The following TUB variants were observed in gnomAD, a reference collection of about 807,000 sequenced individuals.
TUB encodes the protein TUB bipartite transcription factor, also known as tubby protein homolog.
Under a neutral mutation model 59.7 loss-of-function variants are expected in TUB, and 33 were observed. The observed-to-expected ratio is 0.55, with a 90% CI of 0.42 to 0.74. TUB has a LOEUF of 0.74. Ranked by LOEUF, TUB falls within the 30% of genes least tolerant of loss-of-function variation. The probability of loss-of-function intolerance (pLI) is 0.00; values close to 1 mark genes in which losing one functional copy is unlikely to be tolerated. For missense variants in TUB, 659 were observed against 672.0 expected, an observed-to-expected ratio of 0.98 and a Z score of 0.21; for synonymous variants, 293 against 256.4, an observed-to-expected ratio of 1.14 and a Z score of -1.36.
chr11:8,046,984 C>A (rs1241680682), intron 2 of TUB, among the ~76,000 whole-genome samples: 1 of 152,194 alleles, frequency 6.6e-6, no homozygotes, highest in Non-Finnish European at 1.5e-5. Flanking sequence ...GGGCCACACT[C>A]AAAGCCATCC....
intron 1 of TUB, among the ~76,000 whole-genome samples, chr11:8,022,744 G>A (rs1330130735): frequency 6.6e-6 from 1 of 152,078 alleles, no homozygotes; most frequent in Non-Finnish European, 1.5e-5. Flanking sequence ...ACAAAAATTA[G>A]CCAGGTGTGG....
chr11:8,101,396 C>A (rs2242504), intron 11 of TUB, 90 bp from the exon 12 acceptor site: 3 of 1,512,452 alleles, frequency 2.0e-6, no homozygotes, highest in East Asian at 4.5e-5. Flanking sequence ...TTGTTCTTCC[C>A]TCATGTGGTT....
chr11:8,024,576 CACTCT>C (rs1286846071), intron 1 of TUB, among the ~76,000 whole-genome samples: 2 of 152,276 alleles, frequency 1.3e-5, no homozygotes, highest in African/African-American at 2.4e-5. Context: ...ACTTCATTTC[CACTCT>C]ACTTCAATCA....
chr11:8,054,764 C>G (rs1387908134), intron 2 of TUB, among the ~76,000 whole-genome samples: 1 of 152,168 alleles, frequency 6.6e-6, no homozygotes, highest in African/African-American at 2.4e-5. Flanking sequence ...GTGTACTGTA[C>G]CTGTGTTCAT....
Position 8,101,930 on chromosome 11 carries a change from T to C in TUB, c.*311T>C, listed in dbSNP as rs1409854476. 8.4e-6 allele frequency: 3 copies of C among 358,336 alleles called. No individual in the cohort carries two copies. The highest frequency in any genetic ancestry group is 1.5e-5 in the Non-Finnish European group (3 of 195,218). 22.2% of individuals were successfully genotyped at this position (358,336 alleles called of 1,614,324 possible). A position where few individuals can be genotyped will look rare whatever the true frequency, so the allele number is the denominator to read the frequency against. The stretch of plus-strand genomic sequence containing the variant: ...GTCGTACTTACCAAGCTGAGCAACC[T>C]CTTCAGCTGGGAAGGCCGCAAGAGG... On this transcript the variant is annotated 3_prime_UTR_variant, in exon 12 of 12. Transcript: ENST00000299506.
chr11:8,040,762 T>C (rs1290114680), intron 2 of TUB, among the ~76,000 whole-genome samples: 2 of 152,212 alleles, frequency 1.3e-5, no homozygotes, highest in Non-Finnish European at 2.9e-5. Flanking sequence ...GACTCTGCTG[T>C]GATGACTGTT....
intron 2 of TUB, among the ~76,000 whole-genome samples, chr11:8,058,934 A>C (rs921540158): frequency 1.3e-5 from 2 of 152,208 alleles, no homozygotes; most frequent in African/African-American, 4.8e-5. Flanking sequence ...GTGTCAGTAA[A>C]ATTTATAATA....
chr11:8,063,577 G>C (rs1273310782), intron 2 of TUB, among the ~76,000 whole-genome samples: 1 of 152,116 alleles, frequency 6.6e-6, no homozygotes, highest in Admixed American at 6.5e-5. Flanking sequence ...GTGTTCACTC[G>C]ACCCAGTTTG....
chr11:8,060,700 G>C (rs1943107477), intron 2 of TUB, among the ~76,000 whole-genome samples: 1 of 152,148 alleles, frequency 6.6e-6, no homozygotes, highest in African/African-American at 2.4e-5. Context: ...AGAGCCACTT[G>C]CATTTATGTT....
At position 8,101,855 on chromosome 11, in the gene TUB, T is replaced by TGGCGA; in HGVS notation, c.*237_*238insGCGAG. ...GAAGGGATGAGAATAATTCTTTCCA[T>TGGCGA]GCCACGAGATCAACACACACTCCCA... On this transcript the variant is annotated 3_prime_UTR_variant, in exon 12 of 12. Coordinates refer to ENST00000299506, the MANE Select transcript of TUB (RefSeq NM_177972.3). 1 of 475,826 alleles carries TGGCGA rather than the reference T, an allele frequency of 2.1e-6. No individual in the cohort carries two copies. The highest frequency in any genetic ancestry group is 3.5e-6 in the Non-Finnish European group (1 of 288,162). 29.5% of individuals were successfully genotyped at this position (475,826 alleles called of 1,614,324 possible). A position where few individuals can be genotyped will look rare whatever the true frequency, so the allele number is the denominator to read the frequency against.
Position 8,104,584 on chromosome 11 carries a change from A to G in TUB, c.*2965A>G. On this transcript the variant is annotated 3_prime_UTR_variant, in exon 12 of 12. Transcript: ENST00000299506. Reference sequence around the variant, plus strand: ...CCTGTGGATTTTGTCCATTCATCTCATGCTCTCTGAACAGAAGGTATACCT... The same window carrying G: ...CCTGTGGATTTTGTCCATTCATCTCGTGCTCTCTGAACAGAAGGTATACCT... The G allele has an allele frequency of 6.6e-6, 1 of 152,176 alleles. No homozygotes were observed. Among genetic ancestry groups the G allele is most frequent in the Non-Finnish European group, 1.5e-5 (1 of 68,000 alleles). 9.4% of individuals were successfully genotyped at this position (152,176 alleles called of 1,614,324 possible).
chr11:8,099,975 A>G (rs1299609412), intron 9 of TUB, among the ~76,000 whole-genome samples: 1 of 152,208 alleles, frequency 6.6e-6, no homozygotes, highest in African/African-American at 2.4e-5. Flanking sequence ...AGTGAGCTGG[A>G]GAGCCACTGG....
intron 6 of TUB, 129 bp downstream of exon 6, chr11:8,096,935 C>T (rs1388966864): frequency 9.3e-7 from 1 of 1,080,778 alleles, no homozygotes; most frequent in Non-Finnish European, 1.4e-6. Flanking sequence ...TGTCCCTCTA[C>T]CTTGCCTCCT....
chr11:8,087,821 C>T lies in TUB; in HGVS notation c.39-1789C>T, dbSNP rs553701591. Among the ~76,000 whole-genome samples, 5 of 152,336 alleles carry T rather than the reference C, an allele frequency of 3.3e-5. No homozygotes were observed. In the East Asian group the frequency reaches 5.8e-4, roughly 18 times the overall value. On this transcript the variant is annotated intron_variant, in intron 1 of 11. Coordinates refer to ENST00000299506, the MANE Select transcript of TUB (RefSeq NM_177972.3). The stretch of plus-strand genomic sequence containing the variant: ...CCTGGCAGGGCCCTCAGGCATTTTG[C>T]GCTCTGGTCCTGAACCCTTTCTTCA...
chr11:8,020,868 T>C (rs1942415010), intron 1 of TUB, among the ~76,000 whole-genome samples: 1 of 152,166 alleles, frequency 6.6e-6, no homozygotes, highest in Non-Finnish European at 1.5e-5. Flanking sequence ...AAACATGTAT[T>C]GAGTGCGAAC....
chr11:8,093,853 G>A (rs559301598), intron 3 of TUB, among the ~76,000 whole-genome samples, 193 bp from the exon 4 acceptor site: 1 of 152,254 alleles, frequency 6.6e-6, no homozygotes, highest in South Asian at 2.1e-4. Context: ...CCTTCCAGCT[G>A]GGCCTGCCCT....
At position 8,104,619 on chromosome 11, in the gene TUB, C is replaced by A. The variant is rs1275851084; in HGVS notation, c.*3000C>A. 2 of 152,148 alleles carry A rather than the reference C, an allele frequency of 1.3e-5. No homozygotes were observed. Among genetic ancestry groups the A allele is most frequent in the Non-Finnish European group, 2.9e-5 (2 of 67,994 alleles). The allele number at this position is 152,148 out of a possible 1,614,324, so 9.4% of individuals were successfully genotyped here. The stretch of plus-strand genomic sequence containing the variant: ...AACAGAAGGTATACCTGGGAAGATA[C>A]CAGCTTTTTCTCTCAGGGTTCTGAG... On this transcript the variant is annotated 3_prime_UTR_variant, in exon 12 of 12. Transcript: ENST00000299506.
intron 9 of TUB, among the ~76,000 whole-genome samples, 166 bp from the exon 10 acceptor site, chr11:8,100,337 A>C (rs917860349): frequency 6.6e-6 from 1 of 152,154 alleles, no homozygotes; most frequent in African/African-American, 2.4e-5. Context: ...GGCAGGGTAG[A>C]GACCCAGGGG....
chr11:8,074,828 C>A (rs1246989162), intron 2 of TUB, among the ~76,000 whole-genome samples: 1 of 143,814 alleles, frequency 7.0e-6, no homozygotes, highest in Non-Finnish European at 1.5e-5. Context: ...CTCACTACAA[C>A]CTCCGCCTCC....
Sources: allele counts gnomAD v4.1 joint callset (sites outside exome capture counted in the v4.1 genomes callset), GRCh38; gene constraint gnomAD v4.1.1; transcripts MANE v1.5; gene names NCBI Gene and HGNC (gene_info 2026-07-23, HGNC 2026-07-21).